The following SEZ6L variants were observed in gnomAD, a reference collection of about 807,000 sequenced individuals.
SEZ6L encodes seizure 6-like protein.
In SEZ6L, 37 loss-of-function variants were observed where a neutral mutation model predicts 106.2. That is an observed-to-expected ratio of 0.35 (90% CI 0.27 to 0.46). SEZ6L has a LOEUF of 0.46. SEZ6L is among the 20% of genes least tolerant of loss of function. The probability of loss-of-function intolerance (pLI) is 1.00; values close to 1 mark genes in which losing one functional copy is unlikely to be tolerated. For synonymous variants in SEZ6L, 541 were observed against 570.4 expected (o/e 0.95, Z 0.73); for missense variants, 1,172 against 1,332.8 (o/e 0.88, Z 1.88).
In SEZ6L at chr22:26,266,635, C is replaced by T. The variant is rs149309200; in HGVS notation, c.95-25771C>T. 2.8e-4 allele frequency among the ~76,000 whole-genome samples: 43 copies of T among 151,540 alleles called. No individual in the cohort carries two copies. In the East Asian group the frequency reaches 8.0e-3, roughly 28 times the overall value. On this transcript the variant is annotated intron_variant, in intron 1 of 16. Coordinates refer to ENST00000248933, the MANE Select transcript of SEZ6L (RefSeq NM_021115.5). ...TAAATAAATAGCAACATATTAGGAG[C>T]AAGAATAAAAACCAAGGCCCCAGTA...
chr22:26,221,085 G>T (rs961259702), intron 1 of SEZ6L, among the ~76,000 whole-genome samples: 2 of 151,986 alleles, frequency 1.3e-5, no homozygotes, highest in African/African-American at 4.8e-5. Flanking sequence ...GGGAGAAATA[G>T]GCAAATTTCC....
At chr22:26,369,529 AC>A in intron 13 of SEZ6L, among the ~76,000 whole-genome samples, 1 of 150,458 alleles carries the variant, frequency 6.6e-6, no homozygotes, top group South Asian at 2.1e-4. Context: ...TTTAGTAGAG[AC>A]GGGTTTTCAC....
intron 12 of SEZ6L, among the ~76,000 whole-genome samples, chr22:26,357,089 C>T (rs1175369634): frequency 1.3e-5 from 2 of 151,996 alleles, no homozygotes; most frequent in African/African-American, 2.4e-5. Flanking sequence ...GTAGCTGGGA[C>T]TACAGGTGCC....
At chr22:26,322,288 A>T (rs1407192910) in intron 9 of SEZ6L, among the ~76,000 whole-genome samples, 1 of 152,186 alleles carries the variant, frequency 6.6e-6, no homozygotes, top group Admixed American at 6.5e-5. Flanking sequence ...CAGGTCACAC[A>T]GCTAGTAAAG....
At chr22:26,282,819 T>C (rs1463017155) in intron 1 of SEZ6L, among the ~76,000 whole-genome samples, 1 of 152,090 alleles carries the variant, frequency 6.6e-6, no homozygotes, top group Admixed American at 6.5e-5. Context: ...TCAAATAGAG[T>C]TGGTGGCAGG....
At chr22:26,332,916 T>C (rs1280559789) in intron 9 of SEZ6L, among the ~76,000 whole-genome samples, 1 of 152,240 alleles carries the variant, frequency 6.6e-6, no homozygotes, top group Non-Finnish European at 1.5e-5. Flanking sequence ...ATCTTGACCT[T>C]CCTGGTTGAG....
chr22:26,379,533 T>C (rs1201820594), intron 16 of SEZ6L, among the ~76,000 whole-genome samples: 1 of 152,252 alleles, frequency 6.6e-6, no homozygotes, highest in Non-Finnish European at 1.5e-5. Flanking sequence ...CATTAAAGCA[T>C]GTGACAGTGT....
chr22:26,340,782 C>G (rs1479076203), intron 10 of SEZ6L, 150 bp downstream of exon 10: 2 of 695,406 alleles, frequency 2.9e-6, no homozygotes, highest in East Asian at 5.8e-5. Flanking sequence ...AAAGCCTGGG[C>G]TCTCTAGTCA....
At chr22:26,378,627 G>C (rs144482789) in intron 16 of SEZ6L, among the ~76,000 whole-genome samples, 1 of 152,216 alleles carries the variant, frequency 6.6e-6, no homozygotes, top group Non-Finnish European at 1.5e-5. Flanking sequence ...GAGAAAGTGA[G>C]AGTAAAGCTG....
chr22:26,295,649 A>C (rs2145890786), intron 3 of SEZ6L, among the ~76,000 whole-genome samples: 1 of 152,296 alleles, frequency 6.6e-6, no homozygotes, highest in South Asian at 2.1e-4. Flanking sequence ...TGTCATGAAG[A>C]GTATTGGACC....
chr22:26,292,845 G>T lies in SEZ6L; in HGVS notation c.534G>T (p.Glu178Asp), dbSNP rs374087121. ...CGGACCCCATCGTGGCCTCCGAGGAGGCATCAGAAGTGCCCCTTTGGCTGG... is the reference window on the plus strand; with the variant it reads ...CGGACCCCATCGTGGCCTCCGAGGATGCATCAGAAGTGCCCCTTTGGCTGG... ...GDPDPIVASE[E>D]ASEVPLWLDR... The change falls in exon 2 of 17, where the codon GAG becomes GAT. Residue 178 changes from glutamate to aspartate, a missense_variant. Coordinates refer to ENST00000248933, the MANE Select transcript of SEZ6L (RefSeq NM_021115.5). 1.5e-5 allele frequency: 24 copies of T among 1,613,996 alleles called. No individual in the cohort carries two copies. Among genetic ancestry groups the T allele is most frequent in the Middle Eastern group, 3.3e-4 (2 of 6,084 alleles).
chr22:26,350,403 T>C (rs1426823220), intron 11 of SEZ6L, among the ~76,000 whole-genome samples: 2 of 151,764 alleles, frequency 1.3e-5, no homozygotes, highest in African/African-American at 4.8e-5. Context: ...AATTTTTGTA[T>C]TTTTTGTAGG....
chr22:26,199,687 G>A (rs1940802209), intron 1 of SEZ6L, among the ~76,000 whole-genome samples: 1 of 152,214 alleles, frequency 6.6e-6, no homozygotes, highest in South Asian at 2.1e-4. Context: ...CAGACTGTCA[G>A]TGCAGCTTTT....
intron 1 of SEZ6L, chr22:26,292,130 A>G (rs908555521): frequency 1.4e-5 from 5 of 368,176 alleles, no homozygotes; most frequent in African/African-American, 8.6e-5. Flanking sequence ...GGAGGGAGGG[A>G]GGAAAGAAAG....
intron 10 of SEZ6L, among the ~76,000 whole-genome samples, chr22:26,345,782 T>A (rs920954980): frequency 6.6e-6 from 1 of 152,164 alleles, no homozygotes; most frequent in African/African-American, 2.4e-5. Flanking sequence ...TTATACAACA[T>A]AATTAGCTTG....
intron 1 of SEZ6L, among the ~76,000 whole-genome samples, chr22:26,278,322 G>A (rs1026777121): frequency 5.9e-5 from 9 of 152,200 alleles, no homozygotes; most frequent in African/African-American, 2.2e-4. Context: ...AGGGGGTCCA[G>A]GTGCAATGTG....
At chr22:26,366,424 T>C (rs1347704530) in intron 13 of SEZ6L, among the ~76,000 whole-genome samples, 1 of 152,186 alleles carries the variant, frequency 6.6e-6, no homozygotes, top group Non-Finnish European at 1.5e-5. Flanking sequence ...CCAGGTGCAG[T>C]GGCTCACACC....
intron 1 of SEZ6L, among the ~76,000 whole-genome samples, chr22:26,184,215 G>A (rs1203513117): frequency 1.3e-5 from 2 of 152,126 alleles, no homozygotes; most frequent in Non-Finnish European, 2.9e-5. Flanking sequence ...CTTTTTGGGT[G>A]TCTTTGCTAT....
At chr22:26,182,289 C>T (rs988006764) in intron 1 of SEZ6L, among the ~76,000 whole-genome samples, 1 of 152,168 alleles carries the variant, frequency 6.6e-6, no homozygotes, top group African/African-American at 2.4e-5. Context: ...CAGTGCTTGG[C>T]GTATCAGATA....
Sources: allele counts gnomAD v4.1 joint callset (sites outside exome capture counted in the v4.1 genomes callset), GRCh38; gene constraint gnomAD v4.1.1; transcripts MANE v1.5; gene names NCBI Gene and HGNC (gene_info 2026-07-23, HGNC 2026-07-21).